MAP4K5: variants seen among roughly 807,000 people sequenced by gnomAD.
MAP4K5 encodes mitogen-activated protein kinase kinase kinase kinase 5.
In MAP4K5, 82 loss-of-function variants were observed where a neutral mutation model predicts 135.6. The observed-to-expected ratio is 0.60, with a 90% CI of 0.51 to 0.73. The LOEUF (loss-of-function observed/expected upper bound fraction) is 0.73. Among genes scored for constraint, MAP4K5 ranks in the 30% least tolerant of loss-of-function variants. The probability of loss-of-function intolerance (pLI) is 0.00; values close to 1 mark genes in which losing one functional copy is unlikely to be tolerated. For missense variants in MAP4K5, 907 were observed against 1,010.9 expected (o/e 0.90, Z 1.39); for synonymous variants, 347 against 335.0 (o/e 1.04, Z -0.39).
chr14:50,456,585 T>C lies in MAP4K5; in HGVS notation c.946A>G (p.Ile316Val), dbSNP rs370229234. Residue 316 changes from isoleucine (I) to valine (V), a missense_variant, in exon 14 of 33, where the codon ATC (isoleucine) becomes GTC (valine). By Grantham distance (29) the Ile-to-Val change is conservative. Transcript: ENST00000682126. Reference sequence around the variant, plus strand: ...GTAGATCTAATGGTATGACGAATGATTGCATGGGGCTGTGAATATAAGCAT... The same window carrying C: ...GTAGATCTAATGGTATGACGAATGACTGCATGGGGCTGTGAATATAAGCAT... ...ADDDDFEPHA[I>V]IRHTIRSTNR... The C allele has an allele frequency of 1.3e-4, 205 of 1,570,568 alleles. No individual in the cohort carries two copies. The highest frequency in any genetic ancestry group is 1.7e-4 in the Non-Finnish European group (200 of 1,156,052).
At chr14:50,458,610 T>C (rs1275783690) in intron 13 of MAP4K5, among the ~76,000 whole-genome samples, 1 of 152,144 alleles carries the variant, frequency 6.6e-6, no homozygotes, top group Non-Finnish European at 1.5e-5. Flanking sequence ...CTTTCTTCTT[T>C]CAATGTTCCT....
At chr14:50,505,030 A>G (rs952202804) in intron 2 of MAP4K5, 173 bp from the exon 3 acceptor site, 4 of 488,934 alleles carry the variant, frequency 8.2e-6, no homozygotes, top group African/African-American at 8.1e-5. Flanking sequence ...AAAAATATAG[A>G]TAAGACACAA....
intron 2 of MAP4K5, among the ~76,000 whole-genome samples, chr14:50,524,129 A>G (rs1403187996): frequency 6.6e-6 from 1 of 152,230 alleles, no homozygotes; most frequent in Non-Finnish European, 1.5e-5. Flanking sequence ...AAACTCAGCA[A>G]TCGTCTTAGA....
chr14:50,517,983 C>G (rs2038069127), intron 2 of MAP4K5, among the ~76,000 whole-genome samples: 1 of 152,090 alleles, frequency 6.6e-6, no homozygotes, highest in Admixed American at 6.5e-5. Context: ...TCAGGTACCT[C>G]AGATACAAGG....
chr14:50,516,795 G>T (rs1341380386), intron 2 of MAP4K5, among the ~76,000 whole-genome samples: 2 of 152,096 alleles, frequency 1.3e-5, no homozygotes, highest in Admixed American at 1.3e-4. Context: ...CCCAGTTTTG[G>T]TTTGTAAGAT....
chr14:50,504,950 T>C, intron 2 of MAP4K5, 93 bp from the exon 3 acceptor site: 1 of 707,434 alleles, frequency 1.4e-6, no homozygotes, highest in South Asian at 2.3e-5. Context: ...TTATCAACCA[T>C]ACTTTTATCA....
intron 23 of MAP4K5, 94 bp downstream of exon 23, chr14:50,439,919 C>A (rs2036187629): frequency 8.3e-7 from 1 of 1,209,788 alleles, no homozygotes; most frequent in Non-Finnish European, 1.1e-6. Flanking sequence ...AGATTATAGT[C>A]ATCCAGAATT....
intron 13 of MAP4K5, among the ~76,000 whole-genome samples, chr14:50,461,743 AC>A (rs2036716224): frequency 6.6e-6 from 1 of 152,014 alleles, no homozygotes; most frequent in Non-Finnish European, 1.5e-5. Flanking sequence ...ACTTAGTGAA[AC>A]CCTGTCTCTA....
chr14:50,515,431 A>G (rs143411089), intron 2 of MAP4K5, among the ~76,000 whole-genome samples: 1 of 152,252 alleles, frequency 6.6e-6, no homozygotes, highest in Non-Finnish European at 1.5e-5. Flanking sequence ...TCAATTTGCC[A>G]ATGCATTTCT....
rs965687026 is a variant in MAP4K5, at chr14:50,493,041, G to GA, written c.167-6848dup. ...TGTCTCAAAAAAAAGAAAAAAAAAG[G>GA]AAAAAAAAAAAGAGAATGAAATAAA... On this transcript the variant is annotated intron_variant, in intron 3 of 32. Transcript: ENST00000682126. Among the ~76,000 whole-genome samples the GA allele has an allele frequency of 1.2e-3, 167 of 141,062 alleles. 1 individual carries two copies. Among genetic ancestry groups the GA allele is most frequent in the East Asian group, 9.0e-3 (44 of 4,874 alleles). 92.5% of individuals were successfully genotyped at this position (141,062 alleles called of 152,430 possible).
intron 13 of MAP4K5, among the ~76,000 whole-genome samples, chr14:50,458,932 C>A (rs1188516610): frequency 6.6e-6 from 1 of 152,128 alleles, no homozygotes; most frequent in Non-Finnish European, 1.5e-5. Context: ...CCTTGGTCTC[C>A]CAGGTAGTTG....
At chr14:50,479,972 C>T (rs935048424) in intron 6 of MAP4K5, among the ~76,000 whole-genome samples, 8 of 152,060 alleles carry the variant, frequency 5.3e-5, no homozygotes, top group Non-Finnish European at 7.4e-5. Flanking sequence ...CCTTCATTAC[C>T]TGATGTTCAG....
At chr14:50,425,776 G>T in intron 31 of MAP4K5, 131 bp downstream of exon 31, 4 of 516,282 alleles carry the variant, frequency 7.7e-6, no homozygotes, top group Admixed American at 3.4e-5. Context: ...TGGCTTTTTT[G>T]TTCTACCAGT....
At chr14:50,444,954 T>G in intron 18 of MAP4K5, 87 bp downstream of exon 18, 1 of 1,363,784 alleles carries the variant, frequency 7.3e-7, no homozygotes, top group Non-Finnish European at 1.0e-6. Context: ...CAAATGACTC[T>G]CATTTCAGTT....
At chr14:50,524,313 C>T (rs533308487) in intron 2 of MAP4K5, among the ~76,000 whole-genome samples, 4 of 152,264 alleles carry the variant, frequency 2.6e-5, no homozygotes, top group African/African-American at 9.6e-5. Flanking sequence ...TCCTCACTTA[C>T]CAATCATACC....
At position 50,537,613 on chromosome 14, in the gene MAP4K5, C is replaced by A. The variant is rs1366763096; in HGVS notation, c.-94+4886G>T. On this transcript the variant is annotated intron_variant, in intron 2 of 8. Transcript: ENST00000555216. ...AAAGCAGCCAGAGGGAGGCTGTACC[C>A]TGCAAAGCCACAGGGGCAGAGCTGC... 2.0e-5 allele frequency among the ~76,000 whole-genome samples: 3 copies of A among 152,262 alleles called. No individual in the cohort carries two copies. In the East Asian group the frequency reaches 5.8e-4, roughly 29 times the overall value.
chr14:50,509,305 C>T (rs938179235), intron 2 of MAP4K5, among the ~76,000 whole-genome samples: 2 of 151,954 alleles, frequency 1.3e-5, no homozygotes, highest in Admixed American at 1.3e-4. Flanking sequence ...ATTTCACTGC[C>T]CCTTTTCAGA....
intron 14 of MAP4K5, among the ~76,000 whole-genome samples, chr14:50,452,606 C>T (rs1392830885): frequency 6.6e-6 from 1 of 152,168 alleles, no homozygotes; most frequent in African/African-American, 2.4e-5. Context: ...TATTAAAATT[C>T]AGAGACTGTC....
At chr14:50,537,412 T>C (rs1306589004), upstream of MAP4K5, among the ~76,000 whole-genome samples, 1 of 152,180 alleles carries the variant, frequency 6.6e-6, no homozygotes, top group Admixed American at 6.5e-5. Flanking sequence ...TCTGCTAGGG[T>C]GGTGCGAAAG....
Sources: allele counts gnomAD v4.1 joint callset (sites outside exome capture counted in the v4.1 genomes callset), GRCh38; gene constraint gnomAD v4.1.1; transcripts MANE v1.5; gene names NCBI Gene and HGNC (gene_info 2026-07-23, HGNC 2026-07-21).